Variants in CCDC30 observed in about 807,000 individuals in gnomAD.
CCDC30 encodes coiled-coil domain containing 30, also known as coiled-coil domain-containing protein 30.
Under a neutral mutation model 100.2 loss-of-function variants are expected in CCDC30, and 70 were observed. The observed-to-expected ratio is 0.70, with a 90% CI of 0.58 to 0.85. CCDC30 has a LOEUF of 0.85. Among genes scored for constraint, CCDC30 ranks in the 40% least tolerant of loss-of-function variants. The pLI is 0.00. For missense variants in CCDC30, 652 were observed against 771.2 expected (o/e 0.85, Z 1.83); for synonymous variants, 233 against 269.5 (o/e 0.86, Z 1.33).
At chr1:42,490,265 A>G (rs1180087939) in intron 4 of CCDC30, 36 bp downstream of exon 4, 4 of 994,168 alleles carry the variant, frequency 4.0e-6, no homozygotes, top group Non-Finnish European at 5.2e-6. Context: ...ATTATTATTT[A>G]GTAGCCAAGA....
intron 1 of CCDC30, among the ~76,000 whole-genome samples, chr1:42,466,573 A>T (rs1488024123): frequency 3.0e-4 from 44 of 148,618 alleles, no homozygotes; most frequent in African/African-American, 1.1e-3. Flanking sequence ...TTTTTTTGAG[A>T]TGGAGCCTTG....
chr1:42,570,275 A>C (rs1451816432), intron 7 of CCDC30, among the ~76,000 whole-genome samples: 6 of 151,934 alleles, frequency 3.9e-5, no homozygotes, highest in Non-Finnish European at 8.8e-5. Flanking sequence ...GCAGTGAGCT[A>C]TGATCACACC....
intron 4 of CCDC30, among the ~76,000 whole-genome samples, chr1:42,491,307 T>C (rs1445922451): frequency 6.6e-6 from 1 of 152,190 alleles, no homozygotes; most frequent in African/African-American, 2.4e-5. Flanking sequence ...GGGACCATCC[T>C]GGTGGAACTG....
intron 11 of CCDC30, among the ~76,000 whole-genome samples, chr1:42,618,296 G>T (rs1457488280): frequency 6.8e-6 from 1 of 146,822 alleles, no homozygotes; most frequent in Non-Finnish European, 1.5e-5. Context: ...GAGTGCAGTG[G>T]TGCCATCTCA....
Position 42,592,325 on chromosome 1 carries a change from G to A in CCDC30, c.1164+2842G>A, listed in dbSNP as rs996435941. 2.0e-5 allele frequency: 3 copies of A among 152,370 alleles called. No homozygotes were observed. In the East Asian group the frequency reaches 5.8e-4, roughly 29 times the overall value. 9.4% of individuals were successfully genotyped at this position (152,370 alleles called of 1,614,324 possible). Reference sequence around the variant, plus strand: ...TGGAGGTTGGGTCTGAGGGGAGTGTGTTTGGGTCATTGGAGTGCATCCCTC... The same window carrying A: ...TGGAGGTTGGGTCTGAGGGGAGTGTATTTGGGTCATTGGAGTGCATCCCTC... On this transcript the variant is annotated intron_variant, in intron 10 of 16. Transcript: ENST00000668663.
chr1:42,622,910 G>C (rs1260248439), intron 11 of CCDC30, among the ~76,000 whole-genome samples: 1 of 152,134 alleles, frequency 6.6e-6, no homozygotes, highest in Admixed American at 6.5e-5. Flanking sequence ...CCTGTCTTTT[G>C]CATAAAAGCC....
At chr1:42,580,948 A>G (rs1645951610) in intron 8 of CCDC30, 1 of 444,952 alleles carries the variant, frequency 2.2e-6, no homozygotes, top group East Asian at 7.1e-5. Flanking sequence ...TCAAACAAAC[A>G]AATACTCAGC....
intron 6 of CCDC30, among the ~76,000 whole-genome samples, chr1:42,499,270 A>G (rs1294069807): frequency 1.3e-5 from 2 of 152,196 alleles, no homozygotes; most frequent in Non-Finnish European, 2.9e-5. Context: ...TGAAGTGGTG[A>G]GCAAAGCAAT....
At chr1:42,552,503 C>T (rs1645272443) in intron 6 of CCDC30, among the ~76,000 whole-genome samples, 1 of 152,136 alleles carries the variant, frequency 6.6e-6, no homozygotes, top group Non-Finnish European at 1.5e-5. Flanking sequence ...ATTCATCCTT[C>T]TTAATGTGAC....
intron 7 of CCDC30, among the ~76,000 whole-genome samples, chr1:42,576,303 G>A (rs1645836371): frequency 6.6e-6 from 1 of 152,210 alleles, no homozygotes; most frequent in African/African-American, 2.4e-5. Flanking sequence ...AAGTTGTATT[G>A]TGGGGATAGA....
intron 3 of CCDC30, among the ~76,000 whole-genome samples, chr1:42,484,129 AT>A (rs200035311): frequency 0.013 from 1,819 of 143,922 alleles, 30 homozygotes; most frequent in African/African-American, 0.046. Flanking sequence ...AAAACAAATA[AT>A]AATAAAAAAA....
chr1:42,556,985 C>T (rs756484356), intron 6 of CCDC30, among the ~76,000 whole-genome samples: 2 of 152,038 alleles, frequency 1.3e-5, no homozygotes, highest in African/African-American at 4.8e-5. Context: ...TAGGGATCTG[C>T]CTGTAGGAGA....
chr1:42,502,491 G>T lies in CCDC30; in HGVS notation c.456+3575G>T, dbSNP rs189799027. On this transcript the variant is annotated intron_variant, in intron 6 of 16. Coordinates refer to ENST00000668663, the Ensembl canonical transcript of CCDC30. ...GTGGGCTGCACCCACTGTCTGAGAA[G>T]CCCCAGTAAGATGAACCCAGTACCT... 5.6e-4 allele frequency among the ~76,000 whole-genome samples: 86 copies of T among 152,300 alleles called. 1 individual carries two copies. The Middle Eastern group carries it at 0.01, about 18-fold the overall frequency.
exon 5 of CCDC30, chr1:42,497,172 G>A: frequency 8.1e-7 from 1 of 1,234,228 alleles, no homozygotes; most frequent in Non-Finnish European, 1.0e-6. Flanking sequence ...AAGAAATAGG[G>A]TTCGATCACT....
At chr1:42,559,419 C>T (rs1189590474) in intron 6 of CCDC30, among the ~76,000 whole-genome samples, 1 of 152,024 alleles carries the variant, frequency 6.6e-6, no homozygotes, top group Non-Finnish European at 1.5e-5. Context: ...CAAAGACACA[C>T]ACAGGCTCAA....
At chr1:42,482,940 G>A (rs1643987267) in intron 3 of CCDC30, 124 bp downstream of exon 3, 1 of 643,436 alleles carries the variant, frequency 1.6e-6, no homozygotes, top group Non-Finnish European at 2.2e-6. Flanking sequence ...ACACATAAAA[G>A]TGATGAACAG....
exon 12 of CCDC30, chr1:42,637,364 C>T (rs140721605): frequency 3.1e-6 from 5 of 1,605,084 alleles, no homozygotes; most frequent in Non-Finnish European, 4.2e-6. Flanking sequence ...AATCCTGCAA[C>T]ATAAAATAGA....
At chr1:42,641,546 G>A (rs1474038259) in intron 12 of CCDC30, among the ~76,000 whole-genome samples, 1 of 150,072 alleles carries the variant, frequency 6.7e-6, no homozygotes, top group Non-Finnish European at 1.5e-5. Context: ...GCTAGATCCT[G>A]TCTAAAAAAA....
chr1:42,538,534 A>G (rs1644952961), intron 6 of CCDC30, among the ~76,000 whole-genome samples: 1 of 152,140 alleles, frequency 6.6e-6, no homozygotes, highest in Admixed American at 6.6e-5. Context: ...GTTGAGGACT[A>G]TAGTTCACCA....
Sources: gnomAD v4.1 joint callset for allele counts (sites outside exome capture counted in the v4.1 genomes callset) on GRCh38, gnomAD v4.1.1 for gene constraint, MANE v1.5 for transcripts, NCBI Gene and HGNC (gene_info 2026-07-23, HGNC 2026-07-21) for gene names.